DLG1: variants seen among roughly 807,000 people sequenced by gnomAD.
The protein encoded by DLG1 is disks large homolog 1.
In DLG1, 42 loss-of-function variants were observed where a neutral mutation model predicts 123.4. The observed-to-expected ratio is 0.34, with a 90% confidence interval of 0.27 to 0.44. DLG1 has a LOEUF of 0.44. DLG1 is among the 20% of genes least tolerant of loss of function. DLG1 has a pLI of 1.00. For synonymous variants in DLG1, 317 were observed against 356.2 expected, an observed-to-expected ratio of 0.89 and a Z score of 1.24; for missense variants, 942 against 1,082.6, an observed-to-expected ratio of 0.87 and a Z score of 1.82.
At chr3:197,059,854 T>C (rs762931152) in intron 23 of DLG1, 35 bp downstream of exon 23, 12 of 1,418,746 alleles carry the variant, frequency 8.5e-6, no homozygotes, top group Non-Finnish European at 1.2e-5. Context: ...ACTGAATTTG[T>C]ACACAGAGGC....
chr3:197,287,069 C>T (rs916690579), intron 3 of DLG1, among the ~76,000 whole-genome samples: 4 of 151,646 alleles, frequency 2.6e-5, no homozygotes, highest in Non-Finnish European at 5.9e-5. Context: ...CAGGGTCTTA[C>T]TATGTTGCCC....
At chr3:197,273,222 A>G (rs28578062) in intron 4 of DLG1, among the ~76,000 whole-genome samples, 20,356 of 147,834 alleles carry the variant, frequency 0.14, 1,927 homozygotes, top group African/African-American at 0.27. Context: ...ATGTGTGTGT[A>G]TATATATATA....
At chr3:197,112,428 T>A (rs1190356446) in intron 13 of DLG1, among the ~76,000 whole-genome samples, 1 of 152,234 alleles carries the variant, frequency 6.6e-6, no homozygotes, top group Non-Finnish European at 1.5e-5. Flanking sequence ...ACATATCTTT[T>A]GTGCTGTACC....
chr3:197,064,139 T>G (rs1190289055), intron 22 of DLG1, among the ~76,000 whole-genome samples: 1 of 151,846 alleles, frequency 6.6e-6, no homozygotes, highest in Non-Finnish European at 1.5e-5. Context: ...AGGCTGGTCT[T>G]GAACTCCTGA....
intron 4 of DLG1, among the ~76,000 whole-genome samples, chr3:197,266,758 A>G (rs1300595457): frequency 6.6e-6 from 1 of 152,170 alleles, no homozygotes; most frequent in East Asian, 1.9e-4. Context: ...AGCAACAGCA[A>G]TTGTCTAAAA....
At chr3:197,268,614 T>C (rs550373393) in intron 4 of DLG1, among the ~76,000 whole-genome samples, 25 of 151,956 alleles carry the variant, frequency 1.6e-4, no homozygotes, top group African/African-American at 5.8e-4. Context: ...GGATGGGGTC[T>C]CCCTATGCTG....
At chr3:197,229,454 TAAAAAA>T (rs35520172) in intron 4 of DLG1, among the ~76,000 whole-genome samples, 1 of 121,442 alleles carries the variant, frequency 8.2e-6, no homozygotes, top group East Asian at 2.5e-4. Context: ...GCCTGTCTCT[TAAAAAA>T]AAAAAAAAAA....
intron 11 of DLG1, among the ~76,000 whole-genome samples, chr3:197,126,474 A>C: frequency 6.6e-6 from 1 of 152,082 alleles, no homozygotes. Context: ...TCTTAAAAAA[A>C]AAAAACAACA....
At chr3:197,185,489 T>C (rs1715375071) in intron 5 of DLG1, among the ~76,000 whole-genome samples, 1 of 152,146 alleles carries the variant, frequency 6.6e-6, no homozygotes, top group Non-Finnish European at 1.5e-5. Context: ...TAGCTGACAA[T>C]TTATGGCCCC....
At chr3:197,294,114 C>G (rs1003187344) in intron 3 of DLG1, among the ~76,000 whole-genome samples, 1 of 151,954 alleles carries the variant, frequency 6.6e-6, no homozygotes. Context: ...AAAAGTTATT[C>G]AGGAAACACA....
Position 197,085,696 on chromosome 3 carries a change from G to A in DLG1, c.1722C>T (p.Phe574=). The A allele has an allele frequency of 6.2e-7, 1 of 1,613,776 alleles. No homozygotes were observed. Among genetic ancestry groups the A allele is most frequent in the Non-Finnish European group, 8.5e-7 (1 of 1,179,968 alleles). The stretch of plus-strand genomic sequence containing the variant: ...TAACATGGAGGATATCTCCAAATTT[G>A]AAGTTCAGTCCCTGACTGGGAAGCC... ...DSGLPSQGLN[F]KFGDILHVIN... is the part of the protein sequence containing the mutation. The change falls in exon 16 of 25, where the codon TTC becomes TTT. Residue 574 remains phenylalanine, a synonymous_variant. Transcript: ENST00000667157.
chr3:197,051,808 T>C (rs1042016353), intron 23 of DLG1, 140 bp from the exon 24 acceptor site: 14 of 614,220 alleles, frequency 2.3e-5, no homozygotes, highest in Non-Finnish European at 3.9e-5. Flanking sequence ...ATTAAAAACT[T>C]GAGTCATTCT....
intron 16 of DLG1, chr3:197,085,353 C>T: frequency 2.0e-6 from 1 of 488,132 alleles, no homozygotes; most frequent in Non-Finnish European, 3.7e-6. Context: ...ATCTCATTTC[C>T]CCATCCTCCT....
intron 4 of DLG1, among the ~76,000 whole-genome samples, chr3:197,220,732 T>C (rs545488438): frequency 1.3e-5 from 2 of 152,280 alleles, no homozygotes; most frequent in South Asian, 2.1e-4. Flanking sequence ...TAGAGTCCCA[T>C]AGTCACTGAA....
chr3:197,216,630 C>T (rs1734252644), intron 4 of DLG1, among the ~76,000 whole-genome samples: 1 of 152,112 alleles, frequency 6.6e-6, no homozygotes, highest in Admixed American at 6.5e-5. Flanking sequence ...CACATAGGCA[C>T]CTAGCACATG....
intron 15 of DLG1, among the ~76,000 whole-genome samples, chr3:197,088,607 C>A (rs1355342178): frequency 6.6e-6 from 1 of 152,036 alleles, no homozygotes; most frequent in African/African-American, 2.4e-5. Flanking sequence ...AGAATAATGG[C>A]AAAAGGGAAG....
intron 11 of DLG1, among the ~76,000 whole-genome samples, chr3:197,120,586 T>C: frequency 6.6e-6 from 1 of 152,338 alleles, no homozygotes; most frequent in Non-Finnish European, 1.5e-5. Flanking sequence ...ATTAATCTCT[T>C]TTTTATTAAA....
chr3:197,227,763 T>A (rs1173291372), intron 4 of DLG1, among the ~76,000 whole-genome samples: 1 of 152,178 alleles, frequency 6.6e-6, no homozygotes, highest in African/African-American at 2.4e-5. Context: ...TGTAATTGTA[T>A]AAGGGGTGAG....
chr3:197,278,838 C>T (rs1767832431), intron 4 of DLG1, among the ~76,000 whole-genome samples: 1 of 151,948 alleles, frequency 6.6e-6, no homozygotes, highest in Non-Finnish European at 1.5e-5. Flanking sequence ...GCAATCTTAA[C>T]TACTTTTAGC....
Sources: gnomAD v4.1 joint callset for allele counts (sites outside exome capture counted in the v4.1 genomes callset) on GRCh38, gnomAD v4.1.1 for gene constraint, MANE v1.5 for transcripts, NCBI Gene and HGNC (gene_info 2026-07-23, HGNC 2026-07-21) for gene names.